Variants in AEBP2 observed in about 807,000 individuals in gnomAD.
The protein encoded by AEBP2 is zinc finger protein AEBP2.
Under a neutral mutation model 50.8 loss-of-function variants are expected in AEBP2, and 10 were observed. That is an observed-to-expected ratio of 0.20 (90% CI 0.12 to 0.33). AEBP2 has a LOEUF of 0.33. Ranked by LOEUF, AEBP2 falls within the 10% of genes least tolerant of loss-of-function variation. The probability of loss-of-function intolerance (pLI) is 1.00; values close to 1 mark genes in which losing one functional copy is unlikely to be tolerated. For missense variants in AEBP2, 570 were observed against 688.0 expected, an observed-to-expected ratio of 0.83 and a Z score of 1.92; for synonymous variants, 296 against 261.3, an observed-to-expected ratio of 1.13 and a Z score of -1.28.
rs564261939 is a variant in AEBP2 at position 19,443,553 on chromosome 12, T to C, written c.671+3183T>C. Reference sequence around the variant, plus strand: ...CTGGACAACATGGTGAAACCCCATCTCTACTAAAAATACAAAAAAATGAGC... The same window carrying C: ...CTGGACAACATGGTGAAACCCCATCCCTACTAAAAATACAAAAAAATGAGC... On this transcript the variant is annotated intron_variant, in intron 1 of 7. Transcript: ENST00000266508. Among the ~76,000 whole-genome samples the C allele has an allele frequency of 5.2e-3, 795 of 151,966 alleles. 5 individuals are homozygous for C. The highest frequency in any genetic ancestry group is 0.018 in the African/African-American group (760 of 41,466).
intron 1 of AEBP2, among the ~76,000 whole-genome samples, chr12:19,417,367 C>T (rs1289248976): frequency 2.0e-5 from 3 of 152,092 alleles, no homozygotes; most frequent in Non-Finnish European, 2.9e-5. Flanking sequence ...GTATATATTT[C>T]TTAGAAGTTG....
intron 5 of AEBP2, among the ~76,000 whole-genome samples, chr12:19,508,090 G>A (rs938076075): frequency 6.6e-6 from 1 of 152,026 alleles, no homozygotes; most frequent in Non-Finnish European, 1.5e-5. Context: ...TTGTTTTTGT[G>A]TATTATTTCA....
At chr12:19,484,094 T>C (rs1948771035) in intron 3 of AEBP2, among the ~76,000 whole-genome samples, 1 of 152,078 alleles carries the variant, frequency 6.6e-6, no homozygotes, top group Admixed American at 6.6e-5. Flanking sequence ...TTGTTTTTTG[T>C]TGGGATACAG....
intron 1 of AEBP2, among the ~76,000 whole-genome samples, chr12:19,460,648 G>A (rs1314053506): frequency 2.7e-5 from 4 of 150,490 alleles, no homozygotes; most frequent in East Asian, 2.0e-4. Flanking sequence ...CACCACGCCC[G>A]GCCTGAAAGT....
intron 1 of AEBP2, among the ~76,000 whole-genome samples, chr12:19,412,971 C>T (rs369609653): frequency 2.0e-5 from 3 of 152,172 alleles, no homozygotes; most frequent in South Asian, 2.1e-4. Flanking sequence ...AGGAGGCTCG[C>T]GGCAGGGGCT....
In AEBP2 at chr12:19,518,502, C is replaced by G; in HGVS notation, c.*385C>G. ...TTTATATTGGAAAGAAAAACAATTA[C>G]AACATGTGCCCTTACAAATACCAAA... On this transcript the variant is annotated 3_prime_UTR_variant, in exon 8 of 8. Transcript: ENST00000266508. 1 of 1,241,406 alleles carries G rather than the reference C, an allele frequency of 8.1e-7. No homozygotes were observed. The highest frequency in any genetic ancestry group is 1.0e-6 in the Non-Finnish European group (1 of 989,240). The allele number at this position is 1,241,406 out of a possible 1,614,324, so 76.9% of individuals were successfully genotyped here.
chr12:19,473,442 G>T, intron 3 of AEBP2, 87 bp downstream of exon 3: 1 of 539,456 alleles, frequency 1.9e-6, no homozygotes, highest in Non-Finnish European at 2.5e-6. Flanking sequence ...GTCTCACTCT[G>T]TTGCCCAGGC....
At chr12:19,484,786 CTG>C (rs1438314245) in intron 3 of AEBP2, among the ~76,000 whole-genome samples, 2 of 150,922 alleles carry the variant, frequency 1.3e-5, no homozygotes, top group African/African-American at 4.9e-5. Flanking sequence ...TAAGTGGTCT[CTG>C]AAGAAAAAAA....
rs886264531 is a variant in AEBP2 at position 19,501,799 on chromosome 12, T to G, written c.1299+1578T>G. ...TCGTCTCCTATAAAAATGAGTTTGT[T>G]TTTTTTTTTTTTTTTTTTGCATTTT... On this transcript the variant is annotated intron_variant, in intron 5 of 7. Transcript: ENST00000266508. Among the ~76,000 whole-genome samples, 6 of 75,134 alleles carry G rather than the reference T, an allele frequency of 8.0e-5. No individual in the cohort carries two copies. In the East Asian group the frequency reaches 1.9e-3, roughly 24 times the overall value. 49.3% of individuals were successfully genotyped at this position (75,134 alleles called of 152,430 possible).
At chr12:19,474,867 A>G (rs919242817) in intron 3 of AEBP2, among the ~76,000 whole-genome samples, 5 of 151,680 alleles carry the variant, frequency 3.3e-5, no homozygotes, top group Non-Finnish European at 7.4e-5. Flanking sequence ...ATCTTGGCTC[A>G]CTGCAACCTC....
In AEBP2 at chr12:19,473,563, A is replaced by G. The variant is rs909197711; in HGVS notation, c.987+208A>G. 2.0e-5 allele frequency among the ~76,000 whole-genome samples: 3 copies of G among 151,932 alleles called. No individual in the cohort carries two copies. The South Asian group carries it at 6.2e-4, about 32-fold the overall frequency. ...TGGGACTACAGGCGTGTGCCACCAC[A>G]CCTGGCTAATTTTTGTACTTTTAGT... On this transcript the variant is annotated intron_variant, in intron 3 of 7. Coordinates refer to ENST00000266508, the MANE Select transcript of AEBP2 (RefSeq NM_153207.5).
In AEBP2 at chr12:19,518,676, A is replaced by G; in HGVS notation, c.*559A>G. ...GTTGCCATTTGTGTTCTTTTGCAGA[A>G]CTCTGATAAGAAAAGTGTTCAATTT... On this transcript the variant is annotated 3_prime_UTR_variant, in exon 8 of 8. Transcript: ENST00000266508. 6.8e-7 allele frequency: 1 copy of G among 1,476,964 alleles called. No individual in the cohort carries two copies. Among genetic ancestry groups the G allele is most frequent in the Non-Finnish European group, 9.1e-7 (1 of 1,094,108 alleles). 91.5% of individuals were successfully genotyped at this position (1,476,964 alleles called of 1,614,324 possible).
intron 1 of AEBP2, among the ~76,000 whole-genome samples, chr12:19,455,201 C>G (rs1948245951): frequency 6.6e-6 from 1 of 151,828 alleles, no homozygotes; most frequent in Non-Finnish European, 1.5e-5. Flanking sequence ...CTATGTTGCC[C>G]AGGTTGCTCT....
At chr12:19,411,725 C>T (rs2095739322) in intron 1 of AEBP2, among the ~76,000 whole-genome samples, 1 of 152,226 alleles carries the variant, frequency 6.6e-6, no homozygotes, top group Admixed American at 6.5e-5. Flanking sequence ...GAAGGAAACA[C>T]ATTCATTCAC....
chr12:19,407,609 CT>C, intron 1 of AEBP2, among the ~76,000 whole-genome samples: 1 of 152,082 alleles, frequency 6.6e-6, no homozygotes, highest in East Asian at 1.9e-4. Context: ...GCCTCCATCT[CT>C]TTTTTCTTTT....
upstream of AEBP2, among the ~76,000 whole-genome samples, chr12:19,439,446 G>A (rs1380321343): frequency 2.0e-5 from 3 of 151,280 alleles, no homozygotes; most frequent in East Asian, 5.8e-4. Context: ...CGCAGAACCC[G>A]CAGCCGGGGG....
intron 2 of AEBP2, among the ~76,000 whole-genome samples, chr12:19,470,597 A>G (rs535482204): frequency 6.6e-6 from 1 of 152,310 alleles, no homozygotes; most frequent in African/African-American, 2.4e-5. Flanking sequence ...TGTTGCCTTA[A>G]TCGTGTTACT....
At chr12:19,502,649 A>G (rs562591577) in intron 5 of AEBP2, among the ~76,000 whole-genome samples, 15 of 144,718 alleles carry the variant, frequency 1.0e-4, no homozygotes, top group Non-Finnish European at 1.8e-4. Flanking sequence ...CTGTTTGTCT[A>G]TTCTTTTTTT....
rs1174371828 is a variant in AEBP2 at position 19,466,291 on chromosome 12, C to T, written c.879+3574C>T. Among the ~76,000 whole-genome samples the T allele has an allele frequency of 2.6e-5, 4 of 152,078 alleles. No homozygotes were observed. In the East Asian group the frequency reaches 5.8e-4, roughly 22 times the overall value. ...TCCAGCCTGGGCAACGTGACAAAAT[C>T]CTGTCTCTACAAAAATTAGCTGGGT... On this transcript the variant is annotated intron_variant, in intron 2 of 7. Coordinates refer to ENST00000266508, the MANE Select transcript of AEBP2 (RefSeq NM_153207.5).
Sources: allele counts gnomAD v4.1 joint callset (sites outside exome capture counted in the v4.1 genomes callset), GRCh38; gene constraint gnomAD v4.1.1; transcripts MANE v1.5; gene names NCBI Gene and HGNC (gene_info 2026-07-23, HGNC 2026-07-21).